The following DLGAP1 variants were observed in gnomAD, a reference collection of about 807,000 sequenced individuals.
DLGAP1 encodes DLG associated protein 1.
In DLGAP1, 11 loss-of-function variants were observed where a neutral mutation model predicts 90.8. That is an observed-to-expected ratio of 0.12 (90% CI 0.08 to 0.20). DLGAP1 has a LOEUF of 0.20. Among genes scored for constraint, DLGAP1 ranks in the 10% least tolerant of loss-of-function variants. The pLI, the probability that DLGAP1 is intolerant of heterozygous loss-of-function variation, is 1.00. For missense variants in DLGAP1, 1,050 were observed against 1,333.8 expected (o/e 0.79, Z 3.31); for synonymous variants, 558 against 540.7 (o/e 1.03, Z -0.44).
At chr18:4,088,251 T>C (rs1319339336) in intron 2 of DLGAP1, among the ~76,000 whole-genome samples, 1 of 152,194 alleles carries the variant, frequency 6.6e-6, no homozygotes, top group Non-Finnish European at 1.5e-5. Flanking sequence ...CTCACACCAA[T>C]ATACTTCCAG....
chr18:4,062,689 C>G (rs2075315765), intron 2 of DLGAP1, among the ~76,000 whole-genome samples: 1 of 152,042 alleles, frequency 6.6e-6, no homozygotes, highest in South Asian at 2.1e-4. Flanking sequence ...ATTTTGCAAA[C>G]AAATCAGTCT....
At chr18:4,410,774 T>A (rs1445683593) in intron 1 of DLGAP1, among the ~76,000 whole-genome samples, 1 of 152,002 alleles carries the variant, frequency 6.6e-6, no homozygotes, top group African/African-American at 2.4e-5. Context: ...AGTGACACAA[T>A]GAGAACAAAC....
chr18:4,282,633 A>C (rs1381238330), intron 1 of DLGAP1, among the ~76,000 whole-genome samples: 1 of 152,214 alleles, frequency 6.6e-6, no homozygotes, highest in Non-Finnish European at 1.5e-5. Context: ...AGATCTGAAA[A>C]GAAGAGTTTG....
At chr18:4,338,881 T>C (rs750893008) in intron 1 of DLGAP1, among the ~76,000 whole-genome samples, 1 of 152,186 alleles carries the variant, frequency 6.6e-6, no homozygotes. Context: ...GGCCTATTAT[T>C]ATAGCGGACC....
At position 3,797,338 on chromosome 18, in the gene DLGAP1, AAAG is replaced by A. The variant is rs1441090576; in HGVS notation, c.1172+16718_1172+16720del. ...AGACTGTCTCAGGAAAAAAAAAAAAAAAGAAGAAGAACACTCAAGAGCTCTCTC... is the reference window on the plus strand; with the variant it reads ...AGACTGTCTCAGGAAAAAAAAAAAAAAAGAAGAACACTCAAGAGCTCTCTC... On this transcript the variant is annotated intron_variant, in intron 5 of 12. Transcript: ENST00000315677. 9.2e-5 allele frequency among the ~76,000 whole-genome samples: 14 copies of A among 151,844 alleles called. No homozygotes were observed. The East Asian group carries it at 2.1e-3, about 23-fold the overall frequency.
At chr18:3,956,510 A>G (rs1054957069) in intron 3 of DLGAP1, among the ~76,000 whole-genome samples, 1 of 152,004 alleles carries the variant, frequency 6.6e-6, no homozygotes, top group South Asian at 2.1e-4. Flanking sequence ...CACCATGCCC[A>G]GCTAACTTTT....
chr18:4,406,417 T>C (rs908556414), intron 1 of DLGAP1, among the ~76,000 whole-genome samples: 1 of 152,196 alleles, frequency 6.6e-6, no homozygotes, highest in Non-Finnish European at 1.5e-5. Flanking sequence ...TTCTCCTGCC[T>C]CAAGAGAATT....
Position 4,235,719 on chromosome 18 carries a change from C to CTTTTTTTTTT in DLGAP1, c.-266-84442_-266-84433dup, listed in dbSNP as rs1175101805. Among the ~76,000 whole-genome samples the CTTTTTTTTTT allele has an allele frequency of 3.5e-4, 28 of 80,250 alleles. 1 individual carries two copies. The highest frequency in any genetic ancestry group is 1.0e-3 in the African/African-American group (20 of 19,822). 52.6% of individuals were successfully genotyped at this position (80,250 alleles called of 152,430 possible). ...GTTTTATAAATTTCAATTTCAATGT[C>CTTTTTTTTTT]TTTTTTTTTTTTTTTTTTTTTTTTG... is the stretch of plus-strand genomic sequence containing the variant. On this transcript the variant is annotated intron_variant, in intron 1 of 12. Transcript: ENST00000315677.
intron 10 of DLGAP1, among the ~76,000 whole-genome samples, chr18:3,521,233 T>C (rs2051166261): frequency 6.6e-6 from 1 of 152,176 alleles, no homozygotes; most frequent in Admixed American, 6.5e-5. Context: ...GATCAATCCA[T>C]CCATAGTGTA....
At chr18:3,601,995 C>G (rs567772377) in intron 7 of DLGAP1, among the ~76,000 whole-genome samples, 1 of 151,876 alleles carries the variant, frequency 6.6e-6, no homozygotes, top group Non-Finnish European at 1.5e-5. Context: ...GGCTACAGTG[C>G]GAGACTCCTT....
chr18:3,866,320 C>A (rs553253656), intron 4 of DLGAP1, among the ~76,000 whole-genome samples: 2 of 152,180 alleles, frequency 1.3e-5, no homozygotes, highest in East Asian at 3.9e-4. Context: ...CAGAGTTTTC[C>A]GATTGATCTC....
chr18:3,768,942 A>G (rs1018560183), intron 5 of DLGAP1, among the ~76,000 whole-genome samples: 6 of 152,196 alleles, frequency 3.9e-5, no homozygotes, highest in African/African-American at 1.2e-4. Context: ...AGAATTAAAA[A>G]CTTTAGCTCT....
chr18:4,163,408 A>T (rs1162173092), intron 1 of DLGAP1, among the ~76,000 whole-genome samples: 1 of 152,218 alleles, frequency 6.6e-6, no homozygotes, highest in Non-Finnish European at 1.5e-5. Context: ...AGTGCCTTAG[A>T]CGGCCCAGTG....
At chr18:3,929,049 C>T (rs2072456934) in intron 3 of DLGAP1, among the ~76,000 whole-genome samples, 1 of 152,168 alleles carries the variant, frequency 6.6e-6, no homozygotes, top group Admixed American at 6.5e-5. Context: ...ACCTGCTTCC[C>T]CTCCGCCTTC....
chr18:4,393,023 C>G (rs2082369737), intron 1 of DLGAP1, among the ~76,000 whole-genome samples: 2 of 152,178 alleles, frequency 1.3e-5, no homozygotes, highest in African/African-American at 4.8e-5. Context: ...TCTCTGCCAT[C>G]AACTTGAACT....
chr18:4,133,360 C>A (rs1349601693), intron 2 of DLGAP1, among the ~76,000 whole-genome samples: 1 of 152,166 alleles, frequency 6.6e-6, no homozygotes, highest in African/African-American at 2.4e-5. Flanking sequence ...TCACCATTTG[C>A]CTATCAGAAC....
chr18:3,956,449 C>A (rs368798298), intron 3 of DLGAP1, among the ~76,000 whole-genome samples: 1 of 151,472 alleles, frequency 6.6e-6, no homozygotes, highest in Non-Finnish European at 1.5e-5. Flanking sequence ...CCCGGGTTCA[C>A]GCCATTCTCC....
intron 12 of DLGAP1, chr18:3,502,158 A>G: frequency 8.7e-7 from 1 of 1,149,620 alleles, no homozygotes; most frequent in Non-Finnish European, 1.1e-6. Context: ...GGATTCATGC[A>G]CTGAAGATGT....
intron 3 of DLGAP1, among the ~76,000 whole-genome samples, chr18:3,981,084 G>T (rs906164488): frequency 1.1e-4 from 16 of 151,980 alleles, no homozygotes; most frequent in Non-Finnish European, 1.9e-4. Flanking sequence ...GGAAAGAGTG[G>T]AACTTCAAAA....
Sources: allele counts gnomAD v4.1 joint callset (sites outside exome capture counted in the v4.1 genomes callset), GRCh38; gene constraint gnomAD v4.1.1; transcripts MANE v1.5; gene names NCBI Gene and HGNC (gene_info 2026-07-23, HGNC 2026-07-21).